Variants in MBTD1 observed in about 807,000 individuals in gnomAD.
MBTD1 encodes mbt domain containing 1.
MBTD1 carries 24 observed loss-of-function variants against 87.8 expected under a neutral mutation model. The observed-to-expected ratio is 0.27, with a 90% confidence interval of 0.20 to 0.38. The LOEUF is 0.38. Ranked by LOEUF, MBTD1 falls within the 10% of genes least tolerant of loss-of-function variation. The pLI is 1.00. For synonymous variants in MBTD1, 237 were observed against 248.6 expected (o/e 0.95, Z 0.44); for missense variants, 436 against 760.2 (o/e 0.57, Z 5.02).
At chr17:51,211,504 T>TAA (rs35259426) in intron 6 of MBTD1, among the ~76,000 whole-genome samples, 9,019 of 135,104 alleles carry the variant, frequency 0.067, 371 homozygotes, top group African/African-American at 0.079. Flanking sequence ...TGAGACTGTT[T>TAA]AAAAAAAAAA....
In MBTD1 at chr17:51,196,974, A is replaced by G. The variant is rs542146672; in HGVS notation, c.1225-1613T>C. Reference sequence around the variant, plus strand: ...TAAACTCTATTCACCCAGACACTCAATTCAAGTTACATACCACGCAACTCC... The same window carrying G: ...TAAACTCTATTCACCCAGACACTCAGTTCAAGTTACATACCACGCAACTCC... On this transcript the variant is annotated intron_variant, in intron 12 of 16. Coordinates refer to ENST00000586178, the MANE Select transcript of MBTD1 (RefSeq NM_017643.3). Among the ~76,000 whole-genome samples the G allele has an allele frequency of 1.1e-4, 17 of 148,552 alleles. 1 individual carries two copies. In the South Asian group the frequency reaches 3.0e-3, roughly 26 times the overall value.
At chr17:51,204,871 T>C (rs1297503285) in intron 7 of MBTD1, among the ~76,000 whole-genome samples, 2 of 152,234 alleles carry the variant, frequency 1.3e-5, no homozygotes, top group Non-Finnish European at 2.9e-5. Context: ...GTAATTTGAA[T>C]GTGGCTACTT....
chr17:51,257,491 T>G (rs951718828), intron 2 of MBTD1, among the ~76,000 whole-genome samples: 4 of 152,250 alleles, frequency 2.6e-5, no homozygotes, highest in African/African-American at 9.6e-5. Context: ...TTGAAAACAA[T>G]TTAAAATGTT....
Position 51,180,540 on chromosome 17 carries a change from A to T in MBTD1, c.*36T>A. On this transcript the variant is annotated 3_prime_UTR_variant, in exon 17 of 17. Transcript: ENST00000586178. ...TTGATTATAAATCAGTCCTGTGTAA[A>T]ATCCTTCCCCACCCGCCCTCAGTTT... The T allele has an allele frequency of 8.8e-7, 1 of 1,130,494 alleles. No homozygotes were observed. The highest frequency in any genetic ancestry group is 1.3e-6 in the Non-Finnish European group (1 of 768,640). 70.0% of individuals were successfully genotyped at this position (1,130,494 alleles called of 1,614,324 possible).
chr17:51,178,429 T>G lies in MBTD1; in HGVS notation c.*2147A>C, dbSNP rs946835443. The G allele has an allele frequency of 3.3e-5, 5 of 152,162 alleles. No homozygotes were observed. Among genetic ancestry groups the G allele is most frequent in the Admixed American group, 2.6e-4 (4 of 15,270 alleles). 9.4% of individuals were successfully genotyped at this position (152,162 alleles called of 1,614,324 possible). ...GAAGCTTATGAAACCTGGGTATAAATGAGCATTTCATAGATTACCAGGACT... is the reference window on the plus strand; with the variant it reads ...GAAGCTTATGAAACCTGGGTATAAAGGAGCATTTCATAGATTACCAGGACT... On this transcript the variant is annotated 3_prime_UTR_variant, in exon 17 of 17. Coordinates refer to ENST00000586178, the MANE Select transcript of MBTD1 (RefSeq NM_017643.3).
Position 51,179,502 on chromosome 17 carries a change from A to ATATATATATTTT in MBTD1, c.*1073_*1074insAAAATATATATA, listed in dbSNP as rs1568135840. ...GACAATTTTATATATATATATATAT[A>ATATATATATTTT]TATATATATATATATATATATATAT... On this transcript the variant is annotated 3_prime_UTR_variant, in exon 17 of 17. Coordinates refer to ENST00000586178, the MANE Select transcript of MBTD1 (RefSeq NM_017643.3). 3 of 68,108 alleles carry ATATATATATTTT rather than the reference A, an allele frequency of 4.4e-5. No homozygotes were observed. Among genetic ancestry groups the ATATATATATTTT allele is most frequent in the African/African-American group, 1.7e-4 (3 of 18,094 alleles). The allele number at this position is 68,108 out of a possible 1,614,324, so 4.2% of individuals were successfully genotyped here.
At chr17:51,189,301 G>T (rs1459444976) in intron 16 of MBTD1, among the ~76,000 whole-genome samples, 1 of 152,110 alleles carries the variant, frequency 6.6e-6, no homozygotes, top group Non-Finnish European at 1.5e-5. Context: ...GGTACTGTGG[G>T]TCCATAGTTC....
In MBTD1 at chr17:51,179,434, T is replaced by C. The variant is rs1332720047; in HGVS notation, c.*1142A>G. The C allele has an allele frequency of 7.6e-6, 1 of 131,964 alleles. No homozygotes were observed. The highest frequency in any genetic ancestry group is 1.6e-5 in the Non-Finnish European group (1 of 63,014). 8.2% of individuals were successfully genotyped at this position (131,964 alleles called of 1,614,324 possible). A position where few individuals can be genotyped will look rare whatever the true frequency, so the allele number is the denominator to read the frequency against. ...TTAAAACAGGGAATGTTCAAAATGG[T>C]CCAAATCGGTTATTATTAAAATAAA... is the stretch of plus-strand genomic sequence containing the variant. On this transcript the variant is annotated 3_prime_UTR_variant, in exon 17 of 17. Transcript: ENST00000586178.
At chr17:51,190,194 C>T (rs2050729193) in intron 16 of MBTD1, among the ~76,000 whole-genome samples, 1 of 152,146 alleles carries the variant, frequency 6.6e-6, no homozygotes, top group South Asian at 2.1e-4. Context: ...TCAGCACGTA[C>T]CTGAGCATAT....
chr17:51,195,485 T>C, intron 12 of MBTD1, 124 bp from the exon 13 acceptor site: 2 of 662,826 alleles, frequency 3.0e-6, no homozygotes, highest in Non-Finnish European at 4.9e-6. Flanking sequence ...GAAACATGCT[T>C]CTCTATTGAG....
chr17:51,227,377 A>G (rs1166073703), intron 2 of MBTD1, among the ~76,000 whole-genome samples: 1 of 152,016 alleles, frequency 6.6e-6, no homozygotes, highest in Non-Finnish European at 1.5e-5. Context: ...CCTGGGCAAT[A>G]TGGCAAAACT....
chr17:51,183,116 G>C (rs2050388246), intron 16 of MBTD1: 1 of 140,840 alleles, frequency 7.1e-6, no homozygotes. Context: ...CAAGCAATTA[G>C]TTTAAAAATA....
upstream of MBTD1, chr17:51,260,872 C>A: frequency 6.2e-7 from 1 of 1,601,438 alleles, no homozygotes; most frequent in Non-Finnish European, 8.5e-7. Flanking sequence ...AGCTGGTCTT[C>A]GGCGACGTCG....
intron 6 of MBTD1, among the ~76,000 whole-genome samples, chr17:51,210,757 AAACAACAACAACAACAACAACAAC>A (rs71149353): frequency 6.7e-6 from 1 of 149,586 alleles, no homozygotes; most frequent in Non-Finnish European, 1.5e-5. Flanking sequence ...CTCTGTCTCA[AAACAACAACAACAACAACAACAAC>A]AACAACAACA....
chr17:51,233,299 A>G (rs11658903), intron 2 of MBTD1, among the ~76,000 whole-genome samples: 15,023 of 152,152 alleles, frequency 0.099, 922 homozygotes, highest in Non-Finnish European at 0.13. Flanking sequence ...CCTAAACATT[A>G]AGGCCTCTAA....
At chr17:51,224,699 T>C (rs1034486832) in intron 3 of MBTD1, among the ~76,000 whole-genome samples, 17 of 152,230 alleles carry the variant, frequency 1.1e-4, no homozygotes, top group Admixed American at 1.0e-3. Context: ...TCTTTCAATT[T>C]TATAAGCCCA....
upstream of MBTD1, chr17:51,260,797 G>A (rs1159413149): frequency 6.3e-7 from 1 of 1,580,978 alleles, no homozygotes; most frequent in East Asian, 2.3e-5. Flanking sequence ...AAGAGAGACG[G>A]CTCCGGCAGC....
intron 7 of MBTD1, 37 bp from the exon 8 acceptor site, chr17:51,203,962 ATAAAAT>A: frequency 6.7e-7 from 1 of 1,486,732 alleles, no homozygotes; most frequent in Non-Finnish European, 9.2e-7. Flanking sequence ...TAATAAGAAA[ATAAAAT>A]TAAATAAAAC....
chr17:51,198,340 C>A (rs1012555678), intron 12 of MBTD1, among the ~76,000 whole-genome samples: 1 of 152,202 alleles, frequency 6.6e-6, no homozygotes, highest in African/African-American at 2.4e-5. Context: ...AAAGAACTCT[C>A]GGATGACTTG....
Sources: gnomAD v4.1 joint callset for allele counts (sites outside exome capture counted in the v4.1 genomes callset) on GRCh38, gnomAD v4.1.1 for gene constraint, MANE v1.5 for transcripts, NCBI Gene and HGNC (gene_info 2026-07-23, HGNC 2026-07-21) for gene names.